The following KIF13B variants were observed in gnomAD, a reference collection of about 807,000 sequenced individuals.
The protein encoded by KIF13B is kinesin-like protein KIF13B.
A neutral mutation model predicts 222.0 loss-of-function variants in KIF13B; 127 were observed. That is an observed-to-expected ratio of 0.57 (90% CI 0.50 to 0.66). KIF13B has a LOEUF of 0.66. KIF13B is among the 30% of genes least tolerant of loss of function. The probability of loss-of-function intolerance (pLI) is 0.00; values close to 1 mark genes in which losing one functional copy is unlikely to be tolerated. For synonymous variants in KIF13B, 976 were observed against 919.0 expected, an observed-to-expected ratio of 1.06 and a Z score of -1.12; for missense variants, 2,173 against 2,379.0, an observed-to-expected ratio of 0.91 and a Z score of 1.80.
chr8:29,227,652 C>T (rs534034175), intron 2 of KIF13B, among the ~76,000 whole-genome samples: 5 of 152,114 alleles, frequency 3.3e-5, no homozygotes, highest in South Asian at 2.1e-4. Context: ...CAAAAGGTTG[C>T]GAATTTCTGC....
chr8:29,129,646 C>CA (rs11418745), intron 24 of KIF13B, among the ~76,000 whole-genome samples: 46,724 of 149,884 alleles, frequency 0.31, 7,375 homozygotes, highest in Admixed American at 0.4. Context: ...TAAAGTATAG[C>CA]AAAAAAAAAA....
At chr8:29,085,849 C>CAA (rs752162185) in intron 37 of KIF13B, among the ~76,000 whole-genome samples, 9,792 of 67,128 alleles carry the variant, frequency 0.15, 934 homozygotes, top group Non-Finnish European at 0.16. Context: ...GAGCCCGTAA[C>CAA]AAAAAAAAAA....
chr8:29,132,792 A>G (rs1457532533), intron 22 of KIF13B, among the ~76,000 whole-genome samples: 3 of 152,230 alleles, frequency 2.0e-5, no homozygotes, highest in Non-Finnish European at 4.4e-5. Flanking sequence ...TACAACACTG[A>G]TCTATAATGT....
At chr8:29,074,934 T>C (rs920770728) in intron 38 of KIF13B, among the ~76,000 whole-genome samples, 8 of 152,244 alleles carry the variant, frequency 5.3e-5, no homozygotes, top group African/African-American at 1.9e-4. Context: ...TTCACGCTGA[T>C]ATCATGAATC....
At chr8:29,187,425 G>A (rs753827376) in intron 5 of KIF13B, among the ~76,000 whole-genome samples, 18 of 152,270 alleles carry the variant, frequency 1.2e-4, no homozygotes, top group South Asian at 2.1e-4. Flanking sequence ...CAGCTACTCC[G>A]GAGGCTGAGG....
intron 2 of KIF13B, among the ~76,000 whole-genome samples, chr8:29,220,552 T>A (rs201277791): frequency 6.0e-5 from 9 of 149,526 alleles, no homozygotes; most frequent in African/African-American, 1.2e-4. Context: ...TTTCTTTATT[T>A]AAAAAAAAAA....
At chr8:29,075,426 C>T in intron 37 of KIF13B, 83 bp from the exon 38 acceptor site, 1 of 1,253,654 alleles carries the variant, frequency 8.0e-7, no homozygotes, top group Non-Finnish European at 1.1e-6. Context: ...GGCTGGAGGG[C>T]CAGGACCTGC....
In KIF13B at chr8:29,072,311, C is replaced by A; in HGVS notation, c.4527G>T (p.Gln1509His). ...DIRVTRMEEA[Q>H]PEMGPDVLVQ... ...CCAGCACGTCAGGGCCCATCTCCGG[C>A]TGAGCCTGCAGCAGGACGGGGAAGC... Residue 1509 changes from glutamine (Q) to histidine (H), a missense_variant, in exon 39 of 40, where the codon CAG (glutamine) becomes CAT (histidine). Around this residue, in one of 2 missense-constraint regions of KIF13B, gnomAD observed 693 missense variants for 656.2 expected, o/e 1.06. Coordinates refer to ENST00000524189, the MANE Select transcript of KIF13B (RefSeq NM_015254.4). The A allele has an allele frequency of 7.1e-7, 1 of 1,413,606 alleles. No individual in the cohort carries two copies. The highest frequency in any genetic ancestry group is 9.3e-7 in the Non-Finnish European group (1 of 1,080,302). The allele number at this position is 1,413,606 out of a possible 1,614,324, so 87.6% of individuals were successfully genotyped here.
intron 19 of KIF13B, among the ~76,000 whole-genome samples, chr8:29,141,211 G>A (rs1439334081): frequency 2.0e-5 from 3 of 152,080 alleles, no homozygotes; most frequent in Non-Finnish European, 2.9e-5. Context: ...GTGGGCGCCT[G>A]TAATCCCAGC....
chr8:29,133,546 G>A (rs1426025504), intron 22 of KIF13B, among the ~76,000 whole-genome samples: 2 of 152,146 alleles, frequency 1.3e-5, no homozygotes, highest in Admixed American at 1.3e-4. Context: ...AGCCAAGATC[G>A]TGCCACTGCA....
rs371429528 is a variant in KIF13B, at chr8:29,146,560, C to A, written c.2025-20G>T. ...GCTTCTCTAAAAAAAAATAAAGAAG[C>A]GGCAGAGGTAGGGAAGAGATTAACA... is the stretch of plus-strand genomic sequence containing the variant. On this transcript the variant is annotated intron_variant, in intron 17 of 39. Transcript: ENST00000524189. The A allele has an allele frequency of 1.6e-4, 251 of 1,605,420 alleles. No homozygotes were observed. Among genetic ancestry groups the A allele is most frequent in the Non-Finnish European group, 2.1e-4 (242 of 1,176,276 alleles).
At chr8:29,206,863 G>T (rs1262122179) in intron 2 of KIF13B, among the ~76,000 whole-genome samples, 2 of 151,958 alleles carry the variant, frequency 1.3e-5, no homozygotes, top group Non-Finnish European at 2.9e-5. Context: ...TGGAAGTGGG[G>T]TGGAAATTTT....
intron 1 of KIF13B, among the ~76,000 whole-genome samples, chr8:29,257,819 AT>A (rs1190422089): frequency 6.6e-6 from 1 of 152,182 alleles, no homozygotes; most frequent in Admixed American, 6.6e-5. Flanking sequence ...CTCAAAAAAA[AT>A]AAATAAATAA....
intron 22 of KIF13B, among the ~76,000 whole-genome samples, chr8:29,133,303 T>C (rs907213875): frequency 6.6e-6 from 1 of 152,188 alleles, no homozygotes; most frequent in African/African-American, 2.4e-5. Context: ...AAAAACGCAC[T>C]GTTGGCTGGG....
At chr8:29,175,034 C>T (rs1479529417) in intron 10 of KIF13B, among the ~76,000 whole-genome samples, 1 of 152,116 alleles carries the variant, frequency 6.6e-6, no homozygotes, top group Non-Finnish European at 1.5e-5. Flanking sequence ...TAATGCAACG[C>T]ATGCCAGGTG....
intron 2 of KIF13B, among the ~76,000 whole-genome samples, chr8:29,209,918 G>T (rs578120795): frequency 3.2e-4 from 48 of 151,926 alleles, no homozygotes; most frequent in African/African-American, 1.0e-3. Flanking sequence ...GCTGGGTGTG[G>T]TGATGCACAC....
chr8:29,191,507 T>C (rs1813186066), intron 3 of KIF13B, among the ~76,000 whole-genome samples: 1 of 152,204 alleles, frequency 6.6e-6, no homozygotes, highest in African/African-American at 2.4e-5. Flanking sequence ...GACATGCCCA[T>C]GTGCAAGTAT....
intron 2 of KIF13B, among the ~76,000 whole-genome samples, chr8:29,196,583 C>G (rs1330235762): frequency 2.6e-5 from 4 of 152,078 alleles, no homozygotes; most frequent in Non-Finnish European, 4.4e-5. Flanking sequence ...GTTTTCTCTG[C>G]TTTGAAAAAG....
chr8:29,190,903 G>C (rs891914920), intron 4 of KIF13B, 94 bp downstream of exon 4: 3 of 922,742 alleles, frequency 3.3e-6, no homozygotes, highest in Non-Finnish European at 5.5e-6. Context: ...GAAACACACA[G>C]TTTGGGGGGT....
Sources: gnomAD v4.1 joint callset for allele counts (sites outside exome capture counted in the v4.1 genomes callset) on GRCh38, gnomAD v4.1.1 for gene constraint, gnomAD v4.1.1 regional missense constraint, MANE v1.5 for transcripts, NCBI Gene and HGNC (gene_info 2026-07-23, HGNC 2026-07-21) for gene names.